Variants in CBX1 observed in about 807,000 individuals in gnomAD.
CBX1 encodes chromobox 1.
A neutral mutation model predicts 25.1 loss-of-function variants in CBX1; 10 were observed. The observed-to-expected ratio is 0.40, with a 90% confidence interval of 0.25 to 0.68. CBX1 has a LOEUF of 0.68. Among genes scored for constraint, CBX1 ranks in the 30% least tolerant of loss-of-function variants. The pLI, the probability that CBX1 is intolerant of heterozygous loss-of-function variation, is 0.40. For missense variants in CBX1, 106 were observed against 218.5 expected, an observed-to-expected ratio of 0.49 and a Z score of 3.25; for synonymous variants, 63 against 79.4, an observed-to-expected ratio of 0.79 and a Z score of 1.10.
At chr17:48,091,043 T>C (rs935849587) in intron 1 of CBX1, among the ~76,000 whole-genome samples, 11 of 152,188 alleles carry the variant, frequency 7.2e-5, no homozygotes, top group African/African-American at 2.4e-4. Context: ...TAGAATAACA[T>C]TTAAACAGAA....
At chr17:48,092,745 C>G (rs1256179760) in intron 1 of CBX1, among the ~76,000 whole-genome samples, 2 of 151,946 alleles carry the variant, frequency 1.3e-5, no homozygotes, top group African/African-American at 4.8e-5. Flanking sequence ...AGCCACCGCA[C>G]CCAGCTGCGA....
intron 1 of CBX1, among the ~76,000 whole-genome samples, chr17:48,077,953 A>G (rs1406723503): frequency 1.3e-5 from 2 of 152,160 alleles, no homozygotes; most frequent in Admixed American, 6.5e-5. Context: ...CAGGGGTTCA[A>G]GACCATCCTG....
intron 4 of CBX1, among the ~76,000 whole-genome samples, chr17:48,071,995 ATT>A (rs5820681): frequency 0.014 from 1,745 of 121,330 alleles, 6 homozygotes; most frequent in African/African-American, 0.026. Context: ...TTGTAATAGG[ATT>A]TTTTTTTTTT....
chr17:48,072,085 C>T (rs2144424135), intron 4 of CBX1, among the ~76,000 whole-genome samples: 1 of 151,444 alleles, frequency 6.6e-6, no homozygotes, highest in African/African-American at 2.4e-5. Context: ...CAACCTCCAC[C>T]TCCTGGGTTC....
At chr17:48,086,492 G>A (rs2063312186) in intron 1 of CBX1, among the ~76,000 whole-genome samples, 1 of 152,172 alleles carries the variant, frequency 6.6e-6, no homozygotes, top group African/African-American at 2.4e-5. Flanking sequence ...GTGAGGCCAT[G>A]GTAACACCTA....
intron 1 of CBX1, among the ~76,000 whole-genome samples, chr17:48,100,156 A>C (rs1169066718): frequency 1.3e-5 from 2 of 148,376 alleles, no homozygotes; most frequent in African/African-American, 4.9e-5. Context: ...AAAAAAAAAG[A>C]GGTAAAATAT....
Position 48,077,433 on chromosome 17 carries a change from G to GTTTGTTTTTTT in CBX1, c.-37-393_-37-392insAAAAAAACAAA, listed in dbSNP as rs1567764327. Among the ~76,000 whole-genome samples, 15 of 128,860 alleles carry GTTTGTTTTTTT rather than the reference G, an allele frequency of 1.2e-4. 1 individual carries two copies. Among genetic ancestry groups the GTTTGTTTTTTT allele is most frequent in the African/African-American group, 2.1e-4 (7 of 33,728 alleles). The allele number at this position is 128,860 out of a possible 152,430, so 84.5% of individuals were successfully genotyped here. A position where few individuals can be genotyped will look rare whatever the true frequency, so the allele number is the denominator to read the frequency against. On this transcript the variant is annotated intron_variant, in intron 1 of 4. Transcript: ENST00000225603. ...CCACCAAGCCCAGCTAATTTTTGTT[G>GTTTGTTTTTTT]TTTTTTTTTTTGTTTTTTTTGTTTT...
At chr17:48,087,859 C>T (rs1376999182) in intron 1 of CBX1, among the ~76,000 whole-genome samples, 2 of 118,974 alleles carry the variant, frequency 1.7e-5, no homozygotes, top group Admixed American at 1.0e-4. Flanking sequence ...GGCAACAGAG[C>T]GAGACTCAGT....
At chr17:48,080,919 CAAAAAAAAAAAAAAAAA>C (rs1176173688) in intron 1 of CBX1, among the ~76,000 whole-genome samples, 1 of 11,546 alleles carries the variant, frequency 8.7e-5, no homozygotes, top group African/African-American at 3.3e-4. Context: ...GACTCCATCT[CAAAAAAAAAAAAAAAAA>C]AAAAAAAAAA....
intron 4 of CBX1, among the ~76,000 whole-genome samples, chr17:48,071,995 ATTTT>A (rs5820681): frequency 4.9e-5 from 6 of 121,380 alleles, no homozygotes; most frequent in Admixed American, 8.3e-5. Context: ...TTGTAATAGG[ATTTT>A]TTTTTTTTTT....
intron 4 of CBX1, among the ~76,000 whole-genome samples, chr17:48,072,280 G>C (rs960522382): frequency 1.3e-5 from 2 of 152,050 alleles, no homozygotes; most frequent in Admixed American, 1.3e-4. Flanking sequence ...CAAAGTGTTG[G>C]GATTACAGGC....
At chr17:48,079,622 T>C (rs2037712444) in intron 1 of CBX1, among the ~76,000 whole-genome samples, 1 of 152,012 alleles carries the variant, frequency 6.6e-6, no homozygotes, top group Admixed American at 6.6e-5. Context: ...GTCTCCTGAG[T>C]AGCTGGAACC....
At chr17:48,094,395 C>A (rs542848601) in intron 1 of CBX1, among the ~76,000 whole-genome samples, 76 of 151,920 alleles carry the variant, frequency 5.0e-4, no homozygotes, top group African/African-American at 1.8e-3. Flanking sequence ...GATTGTGCCA[C>A]TGCACTCCAG....
At chr17:48,085,575 CAA>C (rs2063307835) in intron 1 of CBX1, among the ~76,000 whole-genome samples, 1 of 142,034 alleles carries the variant, frequency 7.0e-6, no homozygotes, top group Non-Finnish European at 1.5e-5. Context: ...AAAAAAAAAA[CAA>C]TGATTTTTAA....
At chr17:48,094,741 A>G (rs1304438108) in intron 1 of CBX1, among the ~76,000 whole-genome samples, 2 of 149,402 alleles carry the variant, frequency 1.3e-5, no homozygotes, top group Admixed American at 6.7e-5. Flanking sequence ...CTCAAAGGAA[A>G]AAAAAAAAAA....
At chr17:48,087,222 C>T (rs956101628) in intron 1 of CBX1, among the ~76,000 whole-genome samples, 3 of 149,412 alleles carry the variant, frequency 2.0e-5, no homozygotes, top group African/African-American at 7.4e-5. Flanking sequence ...CAGAGGAAAG[C>T]GAACTCTGAG....
intron 1 of CBX1, among the ~76,000 whole-genome samples, chr17:48,099,395 C>A (rs866843288): frequency 6.8e-6 from 1 of 147,686 alleles, no homozygotes; most frequent in Non-Finnish European, 1.5e-5. Context: ...TGAGCCACTG[C>A]GCCCGACCCT....
chr17:48,073,758 C>A (rs1273508373), intron 4 of CBX1, among the ~76,000 whole-genome samples: 1 of 137,148 alleles, frequency 7.3e-6, no homozygotes, highest in Non-Finnish European at 1.5e-5. Flanking sequence ...CCCGGAGGGG[C>A]GGAGGTTGCA....
intron 1 of CBX1, among the ~76,000 whole-genome samples, chr17:48,091,282 T>C (rs1215829040): frequency 1.3e-5 from 2 of 152,216 alleles, no homozygotes; most frequent in Non-Finnish European, 2.9e-5. Context: ...CTAGTTCTTT[T>C]TACCATTCCA....
Sources: gnomAD v4.1 joint callset for allele counts (sites outside exome capture counted in the v4.1 genomes callset) on GRCh38, gnomAD v4.1.1 for gene constraint, MANE v1.5 for transcripts, NCBI Gene and HGNC (gene_info 2026-07-23, HGNC 2026-07-21) for gene names.